Variants in GRID2 observed in about 807,000 individuals in gnomAD.
The protein encoded by GRID2 is glutamate receptor ionotropic, delta-2.
A neutral mutation model predicts 114.8 loss-of-function variants in GRID2; 33 were observed. The ratio of observed to expected loss-of-function variants is 0.29; its 90% CI spans 0.22 to 0.38. The LOEUF (loss-of-function observed/expected upper bound fraction) is 0.38. Among genes scored for constraint, GRID2 ranks in the 10% least tolerant of loss-of-function variants. The pLI is 1.00. For synonymous variants in GRID2, 505 were observed against 449.9 expected (o/e 1.12, Z -1.55); for missense variants, 1,184 against 1,257.7 (o/e 0.94, Z 0.89).
At chr4:93,584,959 GTGAAGCTTTCC>G (rs915205008) in intron 13 of GRID2, among the ~76,000 whole-genome samples, 1 of 152,042 alleles carries the variant, frequency 6.6e-6, no homozygotes, top group African/African-American at 2.4e-5. Flanking sequence ...GGACTCTCTG[GTGAAGCTTTCC>G]TGGATGTTTT....
In GRID2 at chr4:93,371,119, C is replaced by T. The variant is rs111889937; in HGVS notation, c.1246-24488C>T. 8.8e-3 allele frequency among the ~76,000 whole-genome samples: 1,345 copies of T among 152,014 alleles called. 25 individuals are homozygous for T. The highest frequency in any genetic ancestry group is 0.031 in the African/African-American group (1,286 of 41,454). ...AGGCACTGCACAAAGGCTAAAAATC[C>T]CAAAATAGAATTGTTAAAAAATTAG... On this transcript the variant is annotated intron_variant, in intron 8 of 15. Coordinates refer to ENST00000282020, the MANE Select transcript of GRID2 (RefSeq NM_001510.4).
At chr4:93,336,851 C>A (rs781098430) in intron 8 of GRID2, among the ~76,000 whole-genome samples, 4 of 151,862 alleles carry the variant, frequency 2.6e-5, no homozygotes, top group Non-Finnish European at 5.9e-5. Flanking sequence ...TTTTCTATTT[C>A]TTTGTTTGGT....
At chr4:92,715,643 CGAGT>C (rs1560549418) in intron 2 of GRID2, among the ~76,000 whole-genome samples, 2 of 152,046 alleles carry the variant, frequency 1.3e-5, no homozygotes, top group African/African-American at 4.8e-5. Flanking sequence ...TGGTGGCAGA[CGAGT>C]GAAGAGAGCG....
chr4:93,413,937 A>G (rs887159256), intron 9 of GRID2, among the ~76,000 whole-genome samples: 7 of 152,148 alleles, frequency 4.6e-5, no homozygotes, highest in Non-Finnish European at 1.0e-4. Flanking sequence ...ACTTTAGTCT[A>G]TTGATTGAAA....
chr4:92,882,427 AAAT>A (rs1469309207), intron 2 of GRID2, among the ~76,000 whole-genome samples: 6 of 152,332 alleles, frequency 3.9e-5, no homozygotes, highest in Admixed American at 2.6e-4. Context: ...GTAAGACTGT[AAAT>A]AATTTTAGTA....
At chr4:93,535,901 T>G (rs1182221438) in intron 13 of GRID2, among the ~76,000 whole-genome samples, 1 of 152,054 alleles carries the variant, frequency 6.6e-6, no homozygotes, top group African/African-American at 2.4e-5. Context: ...TCTATTTTGA[T>G]GTAATCCCAT....
chr4:92,720,253 G>C (rs568782747), intron 2 of GRID2, among the ~76,000 whole-genome samples: 1 of 152,030 alleles, frequency 6.6e-6, no homozygotes, highest in African/African-American at 2.4e-5. Flanking sequence ...AGGTAAAATT[G>C]AGAAAAATTA....
intron 2 of GRID2, among the ~76,000 whole-genome samples, chr4:92,671,579 G>A (rs569821280): frequency 2.0e-5 from 3 of 151,954 alleles, no homozygotes; most frequent in Non-Finnish European, 4.4e-5. Context: ...TCCTCCTTTG[G>A]CCTTTGACAG....
At chr4:93,677,235 C>T (rs923178660) in intron 14 of GRID2, among the ~76,000 whole-genome samples, 31 of 152,198 alleles carry the variant, frequency 2.0e-4, no homozygotes, top group Admixed American at 3.9e-4. Flanking sequence ...GAGGGGCGCC[C>T]GCCATTGCCC....
At position 92,415,703 on chromosome 4, in the gene GRID2, C is replaced by T. The variant is rs569085898; in HGVS notation, c.88+110959C>T. On this transcript the variant is annotated intron_variant, in intron 1 of 15. Coordinates refer to ENST00000282020, the MANE Select transcript of GRID2 (RefSeq NM_001510.4). ...TGGCGTGTGTATGTGTGTGTGCATG[C>T]GCATGTATGTGTGTGTGTGTGTGTG... Among the ~76,000 whole-genome samples the T allele has an allele frequency of 5.6e-4, 70 of 124,630 alleles. 1 individual carries two copies. The highest frequency in any genetic ancestry group is 9.7e-4 in the Non-Finnish European group (57 of 58,778). 81.8% of individuals were successfully genotyped at this position (124,630 alleles called of 152,430 possible). A position where few individuals can be genotyped will look rare whatever the true frequency, so the allele number is the denominator to read the frequency against.
At chr4:93,037,331 A>T (rs1725022326) in intron 2 of GRID2, among the ~76,000 whole-genome samples, 1 of 152,068 alleles carries the variant, frequency 6.6e-6, no homozygotes, top group African/African-American at 2.4e-5. Context: ...GACTTTAAAG[A>T]AAACGTCACC....
At chr4:93,807,003 A>C (rs1429049041) in exon 2 of GRID2, 1 of 152,276 alleles carries the variant, frequency 6.6e-6, no homozygotes, top group African/African-American at 2.4e-5. Flanking sequence ...CAGTTCAAGG[A>C]AGCTGACCTC....
At chr4:93,111,751 CTTTTT>C (rs9307121) in intron 4 of GRID2, among the ~76,000 whole-genome samples, 6 of 131,434 alleles carry the variant, frequency 4.6e-5, no homozygotes, top group Admixed American at 8.3e-5. Flanking sequence ...TTGTTTAATA[CTTTTT>C]TTTTTTTTTT....
Position 92,304,667 on chromosome 4 carries a change from T to C in GRID2, c.11T>C (p.Phe4Ser). ...TCGGCATAGGAGGAGATGGAAGTTTTCCCCTTTCTCTTGGTTTTGTCCGTC... is the reference window on the plus strand; with the variant it reads ...TCGGCATAGGAGGAGATGGAAGTTTCCCCCTTTCTCTTGGTTTTGTCCGTC... MEVFPFLLVLSVWW... is the reference protein window; with the variant it reads MEVSPFLLVLSVWW... Residue 4 changes from phenylalanine (F) to serine (S), a missense_variant, in exon 1 of 16, where the codon TTC becomes TCC. Physicochemically the swap from Phe to Ser is radical, Grantham distance 155 (BLOSUM62 -2). This residue lies in a region of GRID2 where 455 missense variants were observed against 429.5 expected (regional missense o/e 1.06). Transcript: ENST00000282020. 5 of 1,612,472 alleles carry C rather than the reference T, an allele frequency of 3.1e-6. No homozygotes were observed. Among genetic ancestry groups the C allele is most frequent in the Non-Finnish European group, 4.2e-6 (5 of 1,178,600 alleles).
At chr4:93,555,211 G>A (rs953341488) in intron 13 of GRID2, among the ~76,000 whole-genome samples, 1 of 152,154 alleles carries the variant, frequency 6.6e-6, no homozygotes, top group African/African-American at 2.4e-5. Context: ...CTAGCTTCAG[G>A]ACTTTTTTTT....
chr4:92,534,217 A>C (rs1725494451), intron 1 of GRID2, among the ~76,000 whole-genome samples: 1 of 152,094 alleles, frequency 6.6e-6, no homozygotes, highest in African/African-American at 2.4e-5. Context: ...ACTAGAAGTA[A>C]AGCTTTTATT....
intron 1 of GRID2, among the ~76,000 whole-genome samples, chr4:92,324,734 A>G (rs1054500140): frequency 6.6e-6 from 1 of 151,998 alleles, no homozygotes; most frequent in African/African-American, 2.4e-5. Context: ...ATTTATTCAA[A>G]TTATAGTGAA....
At chr4:93,631,932 G>A (rs1317896754) in intron 14 of GRID2, among the ~76,000 whole-genome samples, 15 of 152,166 alleles carry the variant, frequency 9.9e-5, no homozygotes, top group East Asian at 3.9e-4. Context: ...ATGGTATCTC[G>A]TTGTAGTTTT....
intron 8 of GRID2, among the ~76,000 whole-genome samples, chr4:93,352,013 T>C (rs1760850540): frequency 6.6e-6 from 1 of 152,012 alleles, no homozygotes; most frequent in South Asian, 2.1e-4. Context: ...AACCCTGTTA[T>C]ATAGATACTC....
Sources: gnomAD v4.1 joint callset for allele counts (sites outside exome capture counted in the v4.1 genomes callset) on GRCh38, gnomAD v4.1.1 for gene constraint, gnomAD v4.1.1 regional missense constraint, MANE v1.5 for transcripts, NCBI Gene and HGNC (gene_info 2026-07-23, HGNC 2026-07-21) for gene names.